The following SDC2 variants were observed in gnomAD, a reference collection of about 807,000 sequenced individuals.
SDC2 encodes syndecan 2.
Under a neutral mutation model 22.2 loss-of-function variants are expected in SDC2, and 13 were observed. That is an observed-to-expected ratio of 0.59 (90% confidence interval 0.38 to 0.93). The LOEUF (loss-of-function observed/expected upper bound fraction) is 0.93, where lower values mean the gene tolerates loss of function less well. Among genes scored for constraint, SDC2 ranks in the 40% least tolerant of loss-of-function variants. The pLI is 0.00. For synonymous variants in SDC2, 94 were observed against 92.8 expected (o/e 1.01, Z -0.07); for missense variants, 235 against 246.8 (o/e 0.95, Z 0.32).
At chr8:96,543,655 G>A (rs1311624259) in intron 1 of SDC2, among the ~76,000 whole-genome samples, 1 of 152,110 alleles carries the variant, frequency 6.6e-6, no homozygotes, top group African/African-American at 2.4e-5. Context: ...CAAGCAGCCC[G>A]GCAGTCTTAG....
At chr8:96,594,369 G>A (rs1371532245) in intron 2 of SDC2, among the ~76,000 whole-genome samples, 2 of 152,166 alleles carry the variant, frequency 1.3e-5, no homozygotes, top group African/African-American at 4.8e-5. Flanking sequence ...CAGCTGAGCA[G>A]ACTTGGGTTC....
At chr8:96,565,001 AT>A (rs1814272355) in intron 1 of SDC2, among the ~76,000 whole-genome samples, 1 of 151,666 alleles carries the variant, frequency 6.6e-6, no homozygotes, top group South Asian at 2.1e-4. Context: ...TCTTTAAAAA[AT>A]GTACATTGAG....
intron 1 of SDC2, among the ~76,000 whole-genome samples, chr8:96,534,532 T>G (rs1052315170): frequency 6.6e-6 from 1 of 152,142 alleles, no homozygotes; most frequent in Non-Finnish European, 1.5e-5. Flanking sequence ...ACTCCAGGGC[T>G]CAAGCGATCC....
chr8:96,566,286 G>A (rs182726073), intron 1 of SDC2, among the ~76,000 whole-genome samples: 2 of 152,334 alleles, frequency 1.3e-5, no homozygotes, highest in East Asian at 3.9e-4. Context: ...GAGAATTCAT[G>A]AACTGAAACA....
At chr8:96,494,945 G>C (rs1813046042) in intron 1 of SDC2, among the ~76,000 whole-genome samples, 1 of 152,208 alleles carries the variant, frequency 6.6e-6, no homozygotes, top group South Asian at 2.1e-4. Flanking sequence ...ATCGCAGTAG[G>C]CGATCCCTCA....
rs1010734684 is a variant in SDC2 at position 96,609,525 on chromosome 8, C to T, written c.583C>T (p.Pro195Ser). The T allele has an allele frequency of 6.2e-7, 1 of 1,600,018 alleles. No individual in the cohort carries two copies. The highest frequency in any genetic ancestry group is 8.5e-7 in the Non-Finnish European group (1 of 1,173,232). Reference sequence around the variant, plus strand: ...ATCCAGTGCTGCTTATCAGAAGGCACCTACTAAGGAGTTTTATGCGTAAAA... The same window carrying T: ...ATCCAGTGCTGCTTATCAGAAGGCATCTACTAAGGAGTTTTATGCGTAAAA... Reference protein sequence around the residue: ...KPSSAAYQKAPTKEFYA With the variant: ...KPSSAAYQKASTKEFYA Residue 195 changes from proline (P) to serine (S), a missense_variant, in exon 5 of 5, where the codon CCT (proline) becomes TCT (serine). Pro to Ser is a moderately conservative substitution (Grantham distance 74). Transcript: ENST00000302190.
At chr8:96,607,538 T>C (rs1313963892) in intron 3 of SDC2, among the ~76,000 whole-genome samples, 2 of 152,236 alleles carry the variant, frequency 1.3e-5, no homozygotes, top group Non-Finnish European at 2.9e-5. Flanking sequence ...TAATTACTAC[T>C]TAGACTTGAC....
intron 1 of SDC2, among the ~76,000 whole-genome samples, chr8:96,564,253 G>A (rs1050976477): frequency 9.2e-5 from 14 of 152,280 alleles, no homozygotes; most frequent in South Asian, 6.2e-4. Flanking sequence ...TAGTGTTGGC[G>A]GGGAAAGGAG....
chr8:96,593,391 G>C, intron 1 of SDC2, 89 bp from the exon 2 acceptor site: 1 of 798,896 alleles, frequency 1.3e-6, no homozygotes, highest in Non-Finnish European at 2.1e-6. Context: ...GGGAGGGGTA[G>C]TCACTGCAGT....
chr8:96,573,313 C>T (rs1034862032), intron 1 of SDC2, among the ~76,000 whole-genome samples: 2 of 152,216 alleles, frequency 1.3e-5, no homozygotes, highest in Non-Finnish European at 2.9e-5. Context: ...GTTGCCTGAC[C>T]TTCTGGCAAG....
At chr8:96,545,800 G>A (rs995904605) in intron 1 of SDC2, among the ~76,000 whole-genome samples, 2 of 152,210 alleles carry the variant, frequency 1.3e-5, no homozygotes, top group Non-Finnish European at 2.9e-5. Flanking sequence ...TGAACTTGGT[G>A]TGATGGAATC....
At chr8:96,535,565 A>T (rs926781948) in intron 1 of SDC2, among the ~76,000 whole-genome samples, 4 of 152,224 alleles carry the variant, frequency 2.6e-5, no homozygotes, top group Non-Finnish European at 5.9e-5. Flanking sequence ...GAAAATGCCG[A>T]CAGGTTAATA....
At chr8:96,595,567 A>G (rs1322963800) in intron 2 of SDC2, among the ~76,000 whole-genome samples, 1 of 152,090 alleles carries the variant, frequency 6.6e-6, no homozygotes, top group East Asian at 1.9e-4. Context: ...TGTCCCAGGA[A>G]ATAATAACTA....
At chr8:96,539,039 A>G (rs1813804101) in intron 1 of SDC2, among the ~76,000 whole-genome samples, 1 of 152,232 alleles carries the variant, frequency 6.6e-6, no homozygotes, top group Non-Finnish European at 1.5e-5. Context: ...TTGGGAAATG[A>G]TTTGTGTGTC....
At chr8:96,513,587 G>A (rs1245729057) in intron 1 of SDC2, among the ~76,000 whole-genome samples, 1 of 152,138 alleles carries the variant, frequency 6.6e-6, no homozygotes, top group Non-Finnish European at 1.5e-5. Context: ...CATGTGCCAG[G>A]GGTTCTGTTT....
At chr8:96,577,131 A>C (rs1341250719) in intron 1 of SDC2, among the ~76,000 whole-genome samples, 1 of 152,220 alleles carries the variant, frequency 6.6e-6, no homozygotes, top group East Asian at 1.9e-4. Flanking sequence ...TGTAGGCAAG[A>C]ATGAATGAAT....
chr8:96,592,091 G>A (rs1586319359), intron 1 of SDC2, among the ~76,000 whole-genome samples: 1 of 152,182 alleles, frequency 6.6e-6, no homozygotes, highest in East Asian at 1.9e-4. Flanking sequence ...GGTGGTCCAG[G>A]CCACTGGAAC....
chr8:96,587,554 G>A (rs770671830), intron 1 of SDC2, among the ~76,000 whole-genome samples: 5 of 152,062 alleles, frequency 3.3e-5, no homozygotes, highest in African/African-American at 9.7e-5. Flanking sequence ...TAGAATTGGC[G>A]TTACTAAAAA....
At chr8:96,542,105 T>G (rs1813859841) in intron 1 of SDC2, among the ~76,000 whole-genome samples, 1 of 152,180 alleles carries the variant, frequency 6.6e-6, no homozygotes, top group Admixed American at 6.5e-5. Context: ...CTTTGTAATT[T>G]TCACTTCTCC....
Sources: gnomAD v4.1 joint callset for allele counts (sites outside exome capture counted in the v4.1 genomes callset) on GRCh38, gnomAD v4.1.1 for gene constraint, MANE v1.5 for transcripts, NCBI Gene and HGNC (gene_info 2026-07-23, HGNC 2026-07-21) for gene names.